DMD: variants seen among roughly 807,000 people sequenced by gnomAD.
DMD encodes the protein mutant dystrophin.
Under a neutral mutation model 330.1 loss-of-function variants are expected in DMD, and 63 were observed. That is an observed-to-expected ratio of 0.19 (90% confidence interval 0.16 to 0.24). The LOEUF (loss-of-function observed/expected upper bound fraction) is 0.24. DMD is among the 10% of genes least tolerant of loss of function. DMD has a pLI of 1.00. For synonymous variants in DMD, 1,223 were observed against 959.8 expected (o/e 1.27, Z -5.07); for missense variants, 3,344 against 2,684.1 (o/e 1.25, Z -5.43).
intron 50 of DMD, among the ~76,000 whole-genome samples, chrX:31,809,810 T>C (rs925402790): frequency 3.6e-5 from 4 of 110,086 alleles, no homozygotes; most frequent in African/African-American, 1.3e-4. Flanking sequence ...CTTAAAAAAA[T>C]AGGGCTTACT....
chrX:33,272,370 G>C lies in DMD; in HGVS notation c.7+66889C>G, dbSNP rs148152073. ...ATGTATTTATAGAGAAATCCATGTA[G>C]AGTGAAGTAATTATCAAGGTTATTT... On this transcript the variant is annotated intron_variant, in intron 1 of 17. Transcript: ENST00000288447. Among the ~76,000 whole-genome samples the C allele has an allele frequency of 9.2e-3, 1,032 of 112,098 alleles. 14 individuals are homozygous for C. Among genetic ancestry groups the C allele is most frequent in the African/African-American group, 0.032 (974 of 30,871 alleles).
At chrX:31,830,273 A>C (rs2092992412) in intron 49 of DMD, among the ~76,000 whole-genome samples, 2 of 112,861 alleles carry the variant, frequency 1.8e-5, no homozygotes, top group Non-Finnish European at 3.7e-5. Context: ...AAGCAGAAAG[A>C]ATATGTTAGT....
rs759593185 is a variant in DMD, at chrX:32,448,671, G to A, written c.3604-33C>T. 27 of 1,118,824 alleles carry A rather than the reference G, an allele frequency of 2.4e-5. No individual in the cohort carries two copies. In the South Asian group the frequency reaches 3.9e-4, roughly 16 times the overall value. The allele number at this position is 1,118,824 out of a possible 1,213,427, so 92.2% of individuals were successfully genotyped here. On this transcript the variant is annotated intron_variant, in intron 26 of 78. Transcript: ENST00000357033. ...ATAAAGAATGCTCTCTTAATAGCAT[G>A]AAAATAACTTTACATCCAAAATGCA...
At chrX:32,375,024 C>G (rs771638076) in intron 34 of DMD, among the ~76,000 whole-genome samples, 8 of 111,556 alleles carry the variant, frequency 7.2e-5, no homozygotes, top group Non-Finnish European at 1.5e-4. Context: ...TCTGTCCTCT[C>G]TAATAACGAT....
chrX:32,611,985 C>G (rs1246664215), intron 12 of DMD, among the ~76,000 whole-genome samples: 2 of 111,634 alleles, frequency 1.8e-5, no homozygotes, highest in African/African-American at 6.5e-5. Context: ...AGCTCGAATT[C>G]TGGCTTCTAG....
chrX:31,946,473 A>T (rs187574092), intron 45 of DMD, among the ~76,000 whole-genome samples: 1 of 111,764 alleles, frequency 8.9e-6, no homozygotes, highest in Admixed American at 9.5e-5. Context: ...TTTATTTTAC[A>T]TCCATGTCAA....
intron 44 of DMD, among the ~76,000 whole-genome samples, chrX:32,084,304 T>A (rs929780592): frequency 6.3e-5 from 7 of 110,676 alleles, no homozygotes; most frequent in African/African-American, 2.3e-4. Flanking sequence ...CATCGAGAAG[T>A]GAGGGATGTG....
chrX:31,844,360 T>C (rs2093374139), intron 48 of DMD, among the ~76,000 whole-genome samples: 1 of 109,035 alleles, frequency 9.2e-6, no homozygotes, highest in Non-Finnish European at 1.9e-5. Flanking sequence ...CGGCTTTATT[T>C]CTGAGTTCTC....
chrX:32,071,379 C>T (rs752116743), intron 44 of DMD, among the ~76,000 whole-genome samples: 5 of 109,045 alleles, frequency 4.6e-5, no homozygotes, highest in South Asian at 4.1e-4. Context: ...GATGGTACCT[C>T]GTGGTTTTCT....
intron 7 of DMD, among the ~76,000 whole-genome samples, chrX:32,709,747 A>G (rs2065012102): frequency 8.9e-6 from 1 of 111,845 alleles, no homozygotes; most frequent in Non-Finnish European, 1.9e-5. Context: ...TCCCATTTAA[A>G]GAAGCCCAAC....
intron 62 of DMD, among the ~76,000 whole-genome samples, chrX:31,290,477 A>G (rs2147984164): frequency 8.9e-6 from 1 of 111,762 alleles, no homozygotes; most frequent in African/African-American, 3.2e-5. Context: ...TGATTGTTTA[A>G]GGTTGTATTT....
intron 4 of DMD, among the ~76,000 whole-genome samples, chrX:32,831,864 A>G (rs1274986839): frequency 1.8e-5 from 2 of 111,057 alleles, no homozygotes; most frequent in Non-Finnish European, 3.8e-5. Context: ...TGGAAGTTGC[A>G]GAAAGTTATA....
At chrX:33,223,067 T>C (rs2052213301) in intron 1 of DMD, among the ~76,000 whole-genome samples, 1 of 111,825 alleles carries the variant, frequency 8.9e-6, no homozygotes, top group East Asian at 2.8e-4. Flanking sequence ...CCCAGCACTT[T>C]GGGAGGCCAA....
chrX:31,215,883 T>C (rs771762768), intron 64 of DMD, among the ~76,000 whole-genome samples: 6 of 112,372 alleles, frequency 5.3e-5, no homozygotes, highest in Admixed American at 9.4e-5. Context: ...AAGCTAGAAA[T>C]TGGATATGGA....
chrX:32,762,068 T>C (rs748622071), intron 7 of DMD, among the ~76,000 whole-genome samples: 1 of 108,774 alleles, frequency 9.2e-6, no homozygotes, highest in African/African-American at 3.4e-5. Flanking sequence ...GAGGAATCAT[T>C]TGAACCTAGG....
intron 62 of DMD, among the ~76,000 whole-genome samples, chrX:31,262,943 G>A (rs2050669983): frequency 8.9e-6 from 1 of 112,445 alleles, no homozygotes; most frequent in Non-Finnish European, 1.9e-5. Context: ...ACCTTCTATT[G>A]AGACCACCCT....
intron 44 of DMD, among the ~76,000 whole-genome samples, chrX:32,165,874 C>A (rs2096866640): frequency 9.0e-6 from 1 of 110,991 alleles, no homozygotes; most frequent in African/African-American, 3.3e-5. Context: ...CTCCCAAAAT[C>A]TGATGGTTTT....
chrX:33,005,275 A>AACACACACACACAC (rs376666672), intron 2 of DMD, among the ~76,000 whole-genome samples: 33 of 102,646 alleles, frequency 3.2e-4, no homozygotes, highest in South Asian at 4.3e-4. Context: ...CACACACACA[A>AACACACACACACAC]ACACACACAC....
chrX:31,512,693 T>C (rs1448066169), intron 55 of DMD, among the ~76,000 whole-genome samples: 1 of 111,702 alleles, frequency 9.0e-6, no homozygotes, highest in African/African-American at 3.3e-5. Flanking sequence ...CACTGATCTA[T>C]ATCTCTGTTT....
Sources: allele counts gnomAD v4.1 joint callset (sites outside exome capture counted in the v4.1 genomes callset), GRCh38; gene constraint gnomAD v4.1.1; transcripts MANE v1.5; gene names NCBI Gene and HGNC (gene_info 2026-07-23, HGNC 2026-07-21).